LONP2: variants seen among roughly 807,000 people sequenced by gnomAD.
The protein encoded by LONP2 is lon peptidase 2, peroxisomal, also known as lon protease homolog 2, peroxisomal.
A neutral mutation model predicts 85.6 loss-of-function variants in LONP2; 60 were observed. The observed-to-expected ratio is 0.70, with a 90% CI of 0.57 to 0.87. LONP2 has a LOEUF of 0.87. Ranked by LOEUF, LONP2 falls within the 40% of genes least tolerant of loss-of-function variation. The pLI is 0.00. For synonymous variants in LONP2, 395 were observed against 389.7 expected (o/e 1.01, Z -0.16); for missense variants, 860 against 1,063.5 (o/e 0.81, Z 2.66).
At chr16:48,259,258 T>G (rs1326429281) in intron 4 of LONP2, among the ~76,000 whole-genome samples, 1 of 152,334 alleles carries the variant, frequency 6.6e-6, no homozygotes, top group South Asian at 2.1e-4. Context: ...TTTAGTTGAT[T>G]TTTTAAAAAG....
intron 11 of LONP2, among the ~76,000 whole-genome samples, chr16:48,330,568 G>A (rs182972540): frequency 1.9e-4 from 29 of 152,302 alleles, no homozygotes; most frequent in Admixed American, 1.8e-3. Flanking sequence ...TGATATCTTT[G>A]TGAGATGACA....
rs184652971 is a variant in LONP2 at position 48,289,680 on chromosome 16, C to T, written c.1384-6335C>T. On this transcript the variant is annotated intron_variant, in intron 8 of 14. Coordinates refer to ENST00000285737, the MANE Select transcript of LONP2 (RefSeq NM_031490.5). Reference sequence around the variant, plus strand: ...AGCCTTCGACCTTATGGAACTTCTTCTAAGTGAAGACATCAATTCCATTTT... The same window carrying T: ...AGCCTTCGACCTTATGGAACTTCTTTTAAGTGAAGACATCAATTCCATTTT... 4.9e-3 allele frequency among the ~76,000 whole-genome samples: 741 copies of T among 152,272 alleles called. 8 individuals carry two copies. The highest frequency in any genetic ancestry group is 6.9e-3 in the Non-Finnish European group (469 of 68,026).
At chr16:48,262,686 A>G in intron 5 of LONP2, 92 bp from the exon 6 acceptor site, 2 of 753,554 alleles carry the variant, frequency 2.7e-6, no homozygotes, top group South Asian at 3.6e-5. Context: ...TGCATGATAT[A>G]TCTAACCAAG....
At chr16:48,340,523 A>G (rs928308231) in intron 12 of LONP2, among the ~76,000 whole-genome samples, 1 of 152,244 alleles carries the variant, frequency 6.6e-6, no homozygotes, top group Non-Finnish European at 1.5e-5. Flanking sequence ...AAAATATATT[A>G]ATGTCAAAAA....
chr16:48,340,069 GA>G (rs1959770426), intron 12 of LONP2, among the ~76,000 whole-genome samples: 1 of 152,334 alleles, frequency 6.6e-6, no homozygotes, highest in South Asian at 2.1e-4. Flanking sequence ...GGCTGGGGCA[GA>G]AAGGAAGGAG....
At chr16:48,298,002 T>C (rs1342524230) in intron 9 of LONP2, among the ~76,000 whole-genome samples, 1 of 152,262 alleles carries the variant, frequency 6.6e-6, no homozygotes, top group Non-Finnish European at 1.5e-5. Context: ...TGCAGGTTCC[T>C]GTATTTAGTT....
In LONP2 at chr16:48,351,831, A is replaced by C. The variant is rs1960162386; in HGVS notation, c.*29A>C. On this transcript the variant is annotated 3_prime_UTR_variant, in exon 15 of 15. Transcript: ENST00000285737. ...CAAATCTCAATTTTTTAGAATTTTAAGTTATGAAGTGCTCAAAGGTACTGA... is the reference window on the plus strand; with the variant it reads ...CAAATCTCAATTTTTTAGAATTTTACGTTATGAAGTGCTCAAAGGTACTGA... 6.4e-7 allele frequency: 1 copy of C among 1,570,178 alleles called. No individual in the cohort carries two copies. The highest frequency in any genetic ancestry group is 1.1e-5 in the South Asian group (1 of 90,162).
intron 11 of LONP2, among the ~76,000 whole-genome samples, chr16:48,330,544 G>A (rs1364943159): frequency 3.3e-5 from 5 of 152,156 alleles, no homozygotes. Flanking sequence ...ATAACCGGGG[G>A]TTCGTTCCTT....
At chr16:48,308,557 G>A (rs917170795) in intron 11 of LONP2, among the ~76,000 whole-genome samples, 5 of 151,602 alleles carry the variant, frequency 3.3e-5, no homozygotes, top group Non-Finnish European at 7.4e-5. Context: ...AACCCAGGAG[G>A]CGGATGGTGC....
In LONP2 at chr16:48,256,621, GT is replaced by G. The variant is rs1971766666; in HGVS notation, c.482del (p.Leu161TrpfsTer11). 6.2e-7 allele frequency: 1 copy of G among 1,612,384 alleles called. No homozygotes were observed. Among genetic ancestry groups the G allele is most frequent in the Non-Finnish European group, 8.5e-7 (1 of 1,179,610 alleles). ...TTTCCCCCTTCTAGTTGGTTGAAATGTTGGATATGTCTGTCCCTGCAGTTGC... is the reference window on the plus strand; with the variant it reads ...TTTCCCCCTTCTAGTTGGTTGAAATGTGGATATGTCTGTCCCTGCAGTTGC... ...YKYAVQLVEM[L>X]DMSVPAVAKL... On this transcript the variant is annotated frameshift_variant, in exon 3 of 15. Transcript: ENST00000285737. LOFTEE classifies it high-confidence loss of function.
At position 48,354,832 on chromosome 16, in the gene LONP2, CTTT is replaced by C. The variant is rs1960278624; in HGVS notation, c.*3031_*3033del. 1 of 152,198 alleles carries C rather than the reference CTTT, an allele frequency of 6.6e-6. No individual in the cohort carries two copies. Among genetic ancestry groups the C allele is most frequent in the Non-Finnish European group, 1.5e-5 (1 of 68,034 alleles). The allele number at this position is 152,198 out of a possible 1,614,324, so 9.4% of individuals were successfully genotyped here. On this transcript the variant is annotated 3_prime_UTR_variant, in exon 15 of 15. Transcript: ENST00000285737. ...GGATGAACCTCTTCCTCCTTTGCCA[CTTT>C]AGCTTTAGCTCAAAGGAACTCCAAC... is the stretch of plus-strand genomic sequence containing the variant.
At chr16:48,292,735 C>T (rs577496839) in intron 8 of LONP2, among the ~76,000 whole-genome samples, 27 of 152,302 alleles carry the variant, frequency 1.8e-4, no homozygotes, top group Admixed American at 1.4e-3. Context: ...TAAGCAATCC[C>T]GCTGTTTCTG....
At chr16:48,294,192 C>T (rs548097477) in intron 8 of LONP2, among the ~76,000 whole-genome samples, 21 of 152,204 alleles carry the variant, frequency 1.4e-4, no homozygotes, top group East Asian at 9.7e-4. Context: ...CTGCCTGCTT[C>T]GGCCTCCCAA....
At chr16:48,277,821 C>T (rs1196457829) in intron 8 of LONP2, among the ~76,000 whole-genome samples, 4 of 151,326 alleles carry the variant, frequency 2.6e-5, no homozygotes, top group African/African-American at 9.7e-5. Context: ...CCTTCTTCTG[C>T]ACTTTGACCT....
chr16:48,265,515 T>C (rs1032187922), intron 6 of LONP2, among the ~76,000 whole-genome samples: 1 of 150,048 alleles, frequency 6.7e-6, no homozygotes, highest in African/African-American at 2.5e-5. Context: ...TTGTTGAAAA[T>C]TGGTTGACCT....
At chr16:48,303,328 T>C in intron 11 of LONP2, 23 bp downstream of exon 11, 1 of 1,609,102 alleles carries the variant, frequency 6.2e-7, no homozygotes, top group Non-Finnish European at 8.5e-7. Flanking sequence ...GTTCTGGCAT[T>C]CTCAGGCCTG....
At chr16:48,284,204 G>C (rs1330323631) in intron 8 of LONP2, among the ~76,000 whole-genome samples, 1 of 152,192 alleles carries the variant, frequency 6.6e-6, no homozygotes, top group African/African-American at 2.4e-5. Flanking sequence ...AGGATGCTAT[G>C]AACCTTGTTG....
intron 3 of LONP2, among the ~76,000 whole-genome samples, chr16:48,257,290 A>C (rs1033924282): frequency 6.6e-6 from 1 of 152,094 alleles, no homozygotes; most frequent in African/African-American, 2.4e-5. Flanking sequence ...CAGCCTGGGC[A>C]ACAGAGACTC....
chr16:48,252,852 A>G (rs747515817), intron 2 of LONP2, among the ~76,000 whole-genome samples: 7 of 152,208 alleles, frequency 4.6e-5, no homozygotes, highest in Non-Finnish European at 1.0e-4. Context: ...CACATTTTAG[A>G]TATGCATTAA....
Sources: allele counts gnomAD v4.1 joint callset (sites outside exome capture counted in the v4.1 genomes callset), GRCh38; gene constraint gnomAD v4.1.1; transcripts MANE v1.5; gene names NCBI Gene and HGNC (gene_info 2026-07-23, HGNC 2026-07-21).